The following TMEM132C variants were observed in gnomAD, a reference collection of about 807,000 sequenced individuals.
The protein encoded by TMEM132C is protein phosphatase 1, regulatory subunit 152.
Under a neutral mutation model 61.4 loss-of-function variants are expected in TMEM132C, and 29 were observed. That is an observed-to-expected ratio of 0.47 (90% CI 0.35 to 0.64). The LOEUF (loss-of-function observed/expected upper bound fraction) is 0.64. TMEM132C is among the 30% of genes least tolerant of loss of function. TMEM132C has a pLI of 0.00. For missense variants in TMEM132C, 1,408 were observed against 1,476.9 expected, an observed-to-expected ratio of 0.95 and a Z score of 0.76; for synonymous variants, 656 against 633.1, an observed-to-expected ratio of 1.04 and a Z score of -0.54.
chr12:128,433,873 T>G (rs1869484312), intron 2 of TMEM132C, among the ~76,000 whole-genome samples: 1 of 152,238 alleles, frequency 6.6e-6, no homozygotes, highest in African/African-American at 2.4e-5. Flanking sequence ...CACAATCCCC[T>G]ATGTTTCCTG....
At chr12:128,553,114 A>G (rs927384567) in intron 3 of TMEM132C, among the ~76,000 whole-genome samples, 2 of 152,200 alleles carry the variant, frequency 1.3e-5, no homozygotes, top group Non-Finnish European at 2.9e-5. Context: ...TGGGCCACAC[A>G]TAATATATGC....
intron 3 of TMEM132C, among the ~76,000 whole-genome samples, chr12:128,589,278 C>A (rs1334129983): frequency 6.6e-6 from 1 of 152,184 alleles, no homozygotes; most frequent in Non-Finnish European, 1.5e-5. Context: ...GCAAGCTATC[C>A]AGCATGCAGC....
chr12:128,666,079 G>GCGCA (rs1555241638), intron 4 of TMEM132C, among the ~76,000 whole-genome samples: 7 of 100,910 alleles, frequency 6.9e-5, no homozygotes, highest in African/African-American at 2.9e-4. Flanking sequence ...AAACACACAG[G>GCGCA]CACACACACA....
intron 1 of TMEM132C, among the ~76,000 whole-genome samples, chr12:128,320,541 G>A (rs1423582222): frequency 6.6e-6 from 1 of 152,134 alleles, no homozygotes; most frequent in Non-Finnish European, 1.5e-5. Context: ...CAAGGCAGGA[G>A]GATCGCTTAA....
intron 1 of TMEM132C, among the ~76,000 whole-genome samples, chr12:128,327,920 G>T (rs1428914602): frequency 1.3e-5 from 2 of 152,116 alleles, no homozygotes; most frequent in African/African-American, 4.8e-5. Context: ...GCCTCTGGGT[G>T]CAGGCTTCAG....
chr12:128,678,107 T>C (rs1249372684), intron 5 of TMEM132C, among the ~76,000 whole-genome samples: 2 of 152,216 alleles, frequency 1.3e-5, no homozygotes, highest in Admixed American at 1.3e-4. Flanking sequence ...CATTACTGCT[T>C]TCGGGTGGCA....
At chr12:128,409,493 TG>T (rs879676649) in intron 1 of TMEM132C, among the ~76,000 whole-genome samples, 2 of 152,100 alleles carry the variant, frequency 1.3e-5, no homozygotes, top group African/African-American at 4.8e-5. Context: ...ATCATCACCA[TG>T]GGGGGAGAAA....
intron 3 of TMEM132C, among the ~76,000 whole-genome samples, chr12:128,559,341 C>T (rs1281087242): frequency 1.3e-5 from 2 of 152,152 alleles, no homozygotes; most frequent in East Asian, 3.9e-4. Context: ...ATAAACCAAC[C>T]CCCATATGAA....
intron 2 of TMEM132C, among the ~76,000 whole-genome samples, chr12:128,472,874 A>G (rs899533002): frequency 2.6e-5 from 4 of 152,202 alleles, no homozygotes; most frequent in Non-Finnish European, 5.9e-5. Context: ...GAGCCCACAT[A>G]TATATGAAGT....
chr12:128,365,398 A>G (rs1370699073), intron 1 of TMEM132C, among the ~76,000 whole-genome samples: 1 of 152,024 alleles, frequency 6.6e-6, no homozygotes, highest in Non-Finnish European at 1.5e-5. Flanking sequence ...ATACTATTAG[A>G]TATTATTTTA....
Position 128,278,594 on chromosome 12 carries a change from G to C in TMEM132C, c.85+11107G>C, listed in dbSNP as rs138698085. Among the ~76,000 whole-genome samples the C allele has an allele frequency of 1.3e-5, 2 of 152,114 alleles. No homozygotes were observed. Among genetic ancestry groups the C allele is most frequent in the Non-Finnish European group, 2.9e-5 (2 of 68,024 alleles). Reference sequence around the variant, plus strand: ...GTTGCCTGTTAGTTCTGGGTGGGAAGGGGTCCCCTCTACCATTCACAGAGG... The same window carrying C: ...GTTGCCTGTTAGTTCTGGGTGGGAACGGGTCCCCTCTACCATTCACAGAGG... On this transcript the variant is annotated intron_variant, in intron 1 of 8. Coordinates refer to ENST00000435159, the MANE Select transcript of TMEM132C (RefSeq NM_001136103.3). The surrounding 1 kb of genome is among the most constrained non-coding windows in gnomAD (Gnocchi z 4.2).
chr12:128,386,082 C>A (rs1378306172), intron 1 of TMEM132C, among the ~76,000 whole-genome samples: 3 of 152,132 alleles, frequency 2.0e-5, no homozygotes, highest in African/African-American at 7.2e-5. Flanking sequence ...AGAAGACACG[C>A]ATAATGAGGC....
At chr12:128,313,108 G>A (rs1208570122) in intron 1 of TMEM132C, among the ~76,000 whole-genome samples, 2 of 152,230 alleles carry the variant, frequency 1.3e-5, no homozygotes, top group South Asian at 2.1e-4. Context: ...GCAAGGGGGT[G>A]TCTTCTCATC....
In TMEM132C at chr12:128,299,988, A is replaced by G. The variant is rs1226054327; in HGVS notation, c.85+32501A>G. ...AAATAATTCCGTCAGTGTAGTCTAG[A>G]CACAGTCGGCCAGTGTTCAATACTA... is the stretch of plus-strand genomic sequence containing the variant. On this transcript the variant is annotated intron_variant, in intron 1 of 8. Transcript: ENST00000435159. Among the ~76,000 whole-genome samples the G allele has an allele frequency of 4.6e-5, 7 of 152,224 alleles. No homozygotes were observed. The East Asian group carries it at 1.3e-3, about 29-fold the overall frequency.
At chr12:128,364,692 G>A (rs778048836) in intron 1 of TMEM132C, among the ~76,000 whole-genome samples, 1 of 152,188 alleles carries the variant, frequency 6.6e-6, no homozygotes, top group Non-Finnish European at 1.5e-5. Context: ...TGCCTGCACC[G>A]AGGGGGTCTG....
chr12:128,469,122 T>C (rs57926693), intron 2 of TMEM132C, among the ~76,000 whole-genome samples: 11,004 of 152,166 alleles, frequency 0.072, 1,314 homozygotes, highest in African/African-American at 0.25. Context: ...TTTCGTGACA[T>C]GAGGAAATGG....
chr12:128,654,842 C>G (rs774446212), intron 4 of TMEM132C, among the ~76,000 whole-genome samples: 1 of 152,142 alleles, frequency 6.6e-6, no homozygotes, highest in African/African-American at 2.4e-5. Flanking sequence ...TAAGAACAGC[C>G]TCCCTATGGA....
At chr12:128,405,408 G>A (rs1179954404) in intron 1 of TMEM132C, among the ~76,000 whole-genome samples, 1 of 152,202 alleles carries the variant, frequency 6.6e-6, no homozygotes, top group East Asian at 1.9e-4. Flanking sequence ...GGGCACCTCT[G>A]TGGTTGGCTG....
intron 1 of TMEM132C, among the ~76,000 whole-genome samples, chr12:128,308,813 T>G (rs976950148): frequency 2.0e-5 from 3 of 152,214 alleles, no homozygotes; most frequent in Non-Finnish European, 4.4e-5. Context: ...GTGAGAAATC[T>G]TCTGGTCCCA....
Sources: allele counts gnomAD v4.1 joint callset (sites outside exome capture counted in the v4.1 genomes callset), GRCh38; gene constraint gnomAD v4.1.1; non-coding constraint Gnocchi (gnomAD v3.1); transcripts MANE v1.5; gene names NCBI Gene and HGNC (gene_info 2026-07-23, HGNC 2026-07-21).